The following RGS17 variants were observed in gnomAD, a reference collection of about 807,000 sequenced individuals.
The protein encoded by RGS17 is regulator of G protein signaling 17.
In RGS17, 12 loss-of-function variants were observed where a neutral mutation model predicts 25.5. That is an observed-to-expected ratio of 0.47 (90% CI 0.30 to 0.76). RGS17 has a LOEUF of 0.76. Among genes scored for constraint, RGS17 ranks in the 30% least tolerant of loss-of-function variants. RGS17 has a pLI of 0.07. For missense variants in RGS17, 196 were observed against 242.2 expected, an observed-to-expected ratio of 0.81 and a Z score of 1.27; for synonymous variants, 71 against 76.9, an observed-to-expected ratio of 0.92 and a Z score of 0.40.
intron 1 of RGS17, among the ~76,000 whole-genome samples, chr6:153,094,389 T>C (rs562968951): frequency 6.6e-6 from 1 of 152,322 alleles, no homozygotes; most frequent in East Asian, 1.9e-4. Context: ...CCTACTGAAC[T>C]CTTTAAATGA....
chr6:153,071,885 G>C (rs1776807958), intron 1 of RGS17, among the ~76,000 whole-genome samples: 1 of 152,046 alleles, frequency 6.6e-6, no homozygotes, highest in Admixed American at 6.6e-5. Context: ...ACTATTTCGA[G>C]CACTAAGTCA....
Position 153,036,878 on chromosome 6 carries a change from C to T in RGS17, c.119+7022G>A, listed in dbSNP as rs915252637. ...TATTATAAAAGTCTCTTAACATCCC[C>T]CTTACTTTTTGTATTTTCTTCCATA... On this transcript the variant is annotated intron_variant, in intron 2 of 4. Transcript: ENST00000206262. Among the ~76,000 whole-genome samples, 12 of 152,154 alleles carry T rather than the reference C, an allele frequency of 7.9e-5. No individual in the cohort carries two copies. In the South Asian group the frequency reaches 1.0e-3, roughly 13 times the overall value.
At chr6:153,102,601 G>A (rs957265182) in intron 1 of RGS17, among the ~76,000 whole-genome samples, 9 of 152,132 alleles carry the variant, frequency 5.9e-5, no homozygotes, top group South Asian at 2.1e-4. Context: ...AGTGAGTAAC[G>A]CTGTCAATGT....
chr6:153,018,334 G>A (rs1379595904), intron 4 of RGS17, among the ~76,000 whole-genome samples: 1 of 152,022 alleles, frequency 6.6e-6, no homozygotes, highest in South Asian at 2.1e-4. Flanking sequence ...AGAAGATCTT[G>A]GGCTTGAATT....
intron 2 of RGS17, among the ~76,000 whole-genome samples, chr6:153,038,561 A>G (rs1776281776): frequency 6.6e-6 from 1 of 152,228 alleles, no homozygotes; most frequent in Non-Finnish European, 1.5e-5. Context: ...GTATTCTGCC[A>G]TGTGAGATGA....
At chr6:153,021,753 G>A (rs951706008) in intron 4 of RGS17, among the ~76,000 whole-genome samples, 5 of 152,082 alleles carry the variant, frequency 3.3e-5, no homozygotes, top group East Asian at 1.9e-4. Context: ...ATTAAAGAAC[G>A]GGTAATGGCC....
chr6:153,021,636 C>T (rs1779249342), intron 4 of RGS17, among the ~76,000 whole-genome samples: 1 of 152,164 alleles, frequency 6.6e-6, no homozygotes, highest in Non-Finnish European at 1.5e-5. Context: ...AACAATGGCA[C>T]TTCAATGGTC....
chr6:153,024,236 C>T (rs767843971), intron 4 of RGS17, 26 bp downstream of exon 4: 3 of 1,506,350 alleles, frequency 2.0e-6, no homozygotes. Context: ...TTAGGAAGCC[C>T]ACCTCAATGT....
At chr6:153,053,732 G>A (rs963410185) in intron 1 of RGS17, among the ~76,000 whole-genome samples, 1 of 151,208 alleles carries the variant, frequency 6.6e-6, no homozygotes, top group Non-Finnish European at 1.5e-5. Context: ...GTTCGAGGCT[G>A]CAGTGACCTA....
At chr6:153,111,362 A>AGGCC (rs1467439903) in intron 1 of RGS17, among the ~76,000 whole-genome samples, 1 of 152,172 alleles carries the variant, frequency 6.6e-6, no homozygotes, top group Non-Finnish European at 1.5e-5. Context: ...CAGCTCTGCC[A>AGGCC]GGCCGCTGTA....
rs1470734586 is a variant in RGS17, at chr6:153,010,997, C to T, written c.*577G>A. 6.6e-6 allele frequency: 1 copy of T among 151,350 alleles called. No individual in the cohort carries two copies. The highest frequency in any genetic ancestry group is 1.5e-5 in the Non-Finnish European group (1 of 67,794). 9.4% of individuals were successfully genotyped at this position (151,350 alleles called of 1,614,324 possible). ...ATCCCCATTAGGATTTTCCAACAAA[C>T]AGAGATAAATAGCTCTTTTTCATGT... On this transcript the variant is annotated 3_prime_UTR_variant, in exon 5 of 5. Coordinates refer to ENST00000206262, the MANE Select transcript of RGS17 (RefSeq NM_012419.5).
At position 153,064,510 on chromosome 6, in the gene RGS17, G is replaced by C. The variant is rs139634614; in HGVS notation, c.-25-20467C>G. On this transcript the variant is annotated intron_variant, in intron 1 of 4. Coordinates refer to ENST00000206262, the MANE Select transcript of RGS17 (RefSeq NM_012419.5). ...CCGGGTGTGGTGGCGGACGCCTGTA[G>C]TCCCAGCTACTCGGCAGGCTGAGGC... 8.1e-3 allele frequency among the ~76,000 whole-genome samples: 1,234 copies of C among 151,952 alleles called. 20 individuals carry two copies. The highest frequency in any genetic ancestry group is 0.028 in the African/African-American group (1,177 of 41,430).
intron 2 of RGS17, among the ~76,000 whole-genome samples, chr6:153,039,350 A>G (rs538188505): frequency 3.3e-5 from 5 of 152,288 alleles, no homozygotes; most frequent in African/African-American, 1.2e-4. Context: ...ACCTAAGTCT[A>G]ATTTATAAAG....
chr6:153,114,920 G>A (rs1441294608), intron 1 of RGS17, among the ~76,000 whole-genome samples: 1 of 152,086 alleles, frequency 6.6e-6, no homozygotes, highest in Non-Finnish European at 1.5e-5. Context: ...GGTATTGATG[G>A]AACGTATCTC....
intron 2 of RGS17, among the ~76,000 whole-genome samples, chr6:153,035,338 GATT>G (rs778060417): frequency 6.6e-6 from 1 of 152,028 alleles, no homozygotes. Flanking sequence ...AGTCCAGCAT[GATT>G]ATTATAAAAT....
intron 4 of RGS17, among the ~76,000 whole-genome samples, chr6:153,017,462 A>C (rs1779196296): frequency 1.3e-5 from 2 of 152,082 alleles, no homozygotes; most frequent in Admixed American, 1.3e-4. Context: ...ATCTGGGCTA[A>C]ACGGAGTCAT....
At chr6:153,039,412 G>A (rs1474820147) in intron 2 of RGS17, among the ~76,000 whole-genome samples, 1 of 152,160 alleles carries the variant, frequency 6.6e-6, no homozygotes, top group African/African-American at 2.4e-5. Flanking sequence ...AGCCAGGGCT[G>A]TGGCCAGTGA....
chr6:153,083,625 A>G (rs2129119878), intron 1 of RGS17, among the ~76,000 whole-genome samples: 1 of 152,316 alleles, frequency 6.6e-6, no homozygotes, highest in East Asian at 1.9e-4. Flanking sequence ...ACAGAAAGGG[A>G]AACAAACAAG....
intron 4 of RGS17, among the ~76,000 whole-genome samples, chr6:153,014,290 T>C (rs1291613972): frequency 1.3e-5 from 2 of 152,178 alleles, no homozygotes; most frequent in African/African-American, 4.8e-5. Flanking sequence ...CATGTCTTAC[T>C]GGGTGTTTTA....
Sources: allele counts gnomAD v4.1 joint callset (sites outside exome capture counted in the v4.1 genomes callset), GRCh38; gene constraint gnomAD v4.1.1; transcripts MANE v1.5; gene names NCBI Gene and HGNC (gene_info 2026-07-23, HGNC 2026-07-21).